The following NLRP5 variants were observed in gnomAD, a reference collection of about 807,000 sequenced individuals.
The protein encoded by NLRP5 is NACHT, LRR and PYD domains-containing protein 5.
A neutral mutation model predicts 113.1 loss-of-function variants in NLRP5; 93 were observed. The observed-to-expected ratio is 0.82, with a 90% CI of 0.70 to 0.98. The LOEUF (loss-of-function observed/expected upper bound fraction) is 0.98, where lower values mean the gene tolerates loss of function less well. Among genes scored for constraint, NLRP5 ranks in the 50% least tolerant of loss-of-function variants. The pLI, the probability that NLRP5 is intolerant of heterozygous loss-of-function variation, is 0.00. For missense variants in NLRP5, 1,808 were observed against 1,514.3 expected (o/e 1.19, Z -3.22); for synonymous variants, 751 against 600.7 (o/e 1.25, Z -3.66).
In NLRP5 at chr19:56,050,877, A is replaced by G. The variant is rs564532014; in HGVS notation, c.3128+289A>G. Among the ~76,000 whole-genome samples the G allele has an allele frequency of 2.6e-5, 4 of 152,268 alleles. No homozygotes were observed. The East Asian group carries it at 5.8e-4, about 22-fold the overall frequency. ...TCTTGCCCTAAGTTCATCTTCAGCT[A>G]TTTATCTGTATGGAGAAGGGAGAGT... On this transcript the variant is annotated intron_variant, in intron 12 of 14. Transcript: ENST00000390649.
intron 3 of NLRP5, among the ~76,000 whole-genome samples, chr19:56,012,591 A>G (rs985378637): frequency 1.5e-5 from 2 of 132,890 alleles, no homozygotes; most frequent in African/African-American, 5.5e-5. Flanking sequence ...AAAAAAAAAA[A>G]TCCTTCAGCA....
chr19:56,053,589 C>G (rs776775300), intron 12 of NLRP5, 49 bp from the exon 13 acceptor site: 2 of 1,543,444 alleles, frequency 1.3e-6, no homozygotes, highest in Middle Eastern at 1.8e-4. Flanking sequence ...TCCCGCTGTT[C>G]CACTTTCCTC....
Position 56,053,798 on chromosome 19 carries a change from G to A in NLRP5, c.3289G>A (p.Ala1097Thr), listed in dbSNP as rs3103057. The change falls in exon 13 of 15, where the codon GCG (alanine) becomes ACG (threonine). Residue 1097 changes from alanine to threonine, a missense_variant. Coordinates refer to ENST00000390649, the MANE Select transcript of NLRP5 (RefSeq NM_153447.4). ...ACTGAAGCAAAAGAACAGTGTTCTGGCGAGACTCGGGTAACTTCCTGGGGC... is the reference window on the plus strand; with the variant it reads ...ACTGAAGCAAAAGAACAGTGTTCTGACGAGACTCGGGTAACTTCCTGGGGC... 1,559,501 of 1,613,652 alleles carry A rather than the reference G, an allele frequency of 0.97. 754,479 individuals carry two copies. Among genetic ancestry groups the A allele is most frequent in the Admixed American group, 0.98 (58,908 of 59,992 alleles).
upstream of NLRP5, among the ~76,000 whole-genome samples, chr19:55,996,099 C>G (rs1259089384): frequency 1.3e-5 from 2 of 152,164 alleles, no homozygotes; most frequent in African/African-American, 4.8e-5. Flanking sequence ...CATGAACAAT[C>G]TACTTCTTCT....
intron 10 of NLRP5, among the ~76,000 whole-genome samples, chr19:56,040,170 C>T (rs1456497469): frequency 6.6e-6 from 1 of 152,140 alleles, no homozygotes; most frequent in African/African-American, 2.4e-5. Context: ...TGGTCTCGAA[C>T]TCCTGGGCTC....
At chr19:56,055,656 C>A (rs1984114092) in intron 13 of NLRP5, among the ~76,000 whole-genome samples, 1 of 149,382 alleles carries the variant, frequency 6.7e-6, no homozygotes. Context: ...CCCCATTCTC[C>A]TGCCTCAGCC....
At chr19:56,017,090 AG>A (rs1276233315) in intron 4 of NLRP5, among the ~76,000 whole-genome samples, 3 of 152,126 alleles carry the variant, frequency 2.0e-5, no homozygotes, top group Non-Finnish European at 4.4e-5. Context: ...TACAGACGTG[AG>A]CCACCGCGCC....
At chr19:55,999,922 C>T (rs774987936) in intron 1 of NLRP5, 20 of 704,870 alleles carry the variant, frequency 2.8e-5, no homozygotes, top group Admixed American at 8.2e-5. Flanking sequence ...GAACACTCCC[C>T]GGGGTAGAAA....
At chr19:56,001,336 C>A (rs630137) in intron 1 of NLRP5, among the ~76,000 whole-genome samples, 103,078 of 128,940 alleles carry the variant, frequency 0.8, 38,783 homozygotes, top group South Asian at 0.89. Flanking sequence ...AAAAAAAAAA[C>A]AAACAAAAAA....
intron 6 of NLRP5, among the ~76,000 whole-genome samples, chr19:56,023,216 G>T (rs1028336496): frequency 2.0e-5 from 3 of 152,228 alleles, no homozygotes; most frequent in African/African-American, 7.2e-5. Context: ...AGGGAGGCCT[G>T]AGTTTGAATG....
At position 56,053,698 on chromosome 19, in the gene NLRP5, G is replaced by C. The variant is rs765935265; in HGVS notation, c.3189G>C (p.Arg1063Ser). The C allele has an allele frequency of 6.2e-7, 1 of 1,613,876 alleles. No individual in the cohort carries two copies. The highest frequency in any genetic ancestry group is 1.1e-5 in the South Asian group (1 of 91,064). Reference sequence around the variant, plus strand: ...AGAGTCTGTCCTGTGTGATCTCGAGGAGCAGACACCTGAAGAGCCTGGATC... The same window carrying C: ...AGAGTCTGTCCTGTGTGATCTCGAGCAGCAGACACCTGAAGAGCCTGGATC... Residue 1063 changes from arginine to serine, a missense_variant, in exon 13 of 15, where the codon AGG becomes AGC. Coordinates refer to ENST00000390649, the MANE Select transcript of NLRP5 (RefSeq NM_153447.4).
intron 7 of NLRP5, among the ~76,000 whole-genome samples, chr19:56,030,364 T>C (rs981263546): frequency 6.6e-6 from 1 of 151,676 alleles, no homozygotes; most frequent in African/African-American, 2.4e-5. Context: ...AGTGAGACTC[T>C]ATCTCAAAAA....
chr19:56,032,532 C>G, intron 7 of NLRP5, 79 bp from the exon 8 acceptor site: 1 of 1,355,222 alleles, frequency 7.4e-7, no homozygotes, highest in Non-Finnish European at 1.0e-6. Flanking sequence ...AGCTCGGTCC[C>G]TCTCCTCCGA....
chr19:55,989,378 G>C, the NLRP5 span, among the ~76,000 whole-genome samples: 3 of 151,936 alleles, frequency 2.0e-5, no homozygotes, highest in Admixed American at 1.3e-4. Flanking sequence ...TCAGCCTCCC[G>C]AGTAGCTGGG....
At chr19:55,990,259 G>C in the NLRP5 span, among the ~76,000 whole-genome samples, 1 of 151,296 alleles carries the variant, frequency 6.6e-6, no homozygotes, top group East Asian at 2.0e-4. Flanking sequence ...CGGCTAATTT[G>C]TGTATTTTTA....
intron 11 of NLRP5, among the ~76,000 whole-genome samples, chr19:56,048,638 A>T (rs306432): frequency 5.3e-4 from 81 of 151,886 alleles, no homozygotes; most frequent in Non-Finnish European, 7.8e-4. Context: ...TCTGTCTCAC[A>T]GTTCTTAAGA....
In NLRP5 at chr19:56,054,980, G is replaced by C. The variant is rs555833833; in HGVS notation, c.3299+1172G>C. Among the ~76,000 whole-genome samples the C allele has an allele frequency of 4.1e-5, 6 of 146,848 alleles. No individual in the cohort carries two copies. In the East Asian group the frequency reaches 1.2e-3, roughly 29 times the overall value. ...GTGTTGAGTAAGAGGCTTTAATCTGGGCACCCCTCCCCTTTTTTTTTTTTT... is the reference window on the plus strand; with the variant it reads ...GTGTTGAGTAAGAGGCTTTAATCTGCGCACCCCTCCCCTTTTTTTTTTTTT... On this transcript the variant is annotated intron_variant, in intron 13 of 14. Coordinates refer to ENST00000390649, the MANE Select transcript of NLRP5 (RefSeq NM_153447.4).
intron 14 of NLRP5, among the ~76,000 whole-genome samples, chr19:56,059,259 T>G (rs1301682058): frequency 6.6e-6 from 1 of 152,226 alleles, no homozygotes; most frequent in Non-Finnish European, 1.5e-5. Context: ...TCTGGAGGGC[T>G]GAGTTGATGG....
intron 7 of NLRP5, 48 bp from the exon 8 acceptor site, chr19:56,032,563 T>C (rs777441249): frequency 6.4e-7 from 1 of 1,561,618 alleles, no homozygotes; most frequent in South Asian, 1.2e-5. Flanking sequence ...CGACTGCTCA[T>C]GTTAAACTCC....
Sources: gnomAD v4.1 joint callset for allele counts (sites outside exome capture counted in the v4.1 genomes callset) on GRCh38, gnomAD v4.1.1 for gene constraint, MANE v1.5 for transcripts, NCBI Gene and HGNC (gene_info 2026-07-23, HGNC 2026-07-21) for gene names.